The following ACACA variants were observed in gnomAD, a reference collection of about 807,000 sequenced individuals.
ACACA encodes acetyl-CoA carboxylase alpha, also known as acetyl-CoA carboxylase 1.
Under a neutral mutation model 296.1 loss-of-function variants are expected in ACACA, and 103 were observed. That is an observed-to-expected ratio of 0.35 (90% CI 0.30 to 0.41). The LOEUF (loss-of-function observed/expected upper bound fraction) is 0.41, where lower values mean the gene tolerates loss of function less well. ACACA is among the 10% of genes least tolerant of loss of function. The pLI is 1.00. For synonymous variants in ACACA, 953 were observed against 1,038.6 expected (o/e 0.92, Z 1.58); for missense variants, 1,554 against 2,989.7 (o/e 0.52, Z 11.20).
chr17:37,238,363 G>A (rs1598280325), intron 24 of ACACA, among the ~76,000 whole-genome samples: 1 of 141,550 alleles, frequency 7.1e-6, no homozygotes, highest in African/African-American at 2.6e-5. Context: ...CTTTCCCCAT[G>A]ATCTACAATG....
chr17:37,258,231 G>C lies in ACACA; in HGVS notation c.1643C>G (p.Thr548Ser). The C allele has an allele frequency of 6.2e-7, 1 of 1,614,102 alleles. No homozygotes were observed. The highest frequency in any genetic ancestry group is 2.2e-5 in the East Asian group (1 of 44,874). Residue 548 changes from threonine to serine, a missense_variant, in exon 13 of 56, where the codon ACT (threonine) becomes AGT (serine). Around this residue, in one of 16 missense-constraint regions of ACACA, gnomAD observed 35 missense variants for 139.4 expected, o/e 0.25. Transcript: ENST00000616317. ...PRGHVIAARITSENPDEGFKP... is the reference protein window; with the variant it reads ...PRGHVIAARISSENPDEGFKP... ...GGTTACCTCATCTGGATTTTCACTA[G>C]TGATCCGAGCAGCAATAACATGGCC...
intron 3 of ACACA, among the ~76,000 whole-genome samples, chr17:37,321,801 G>A (rs1005144130): frequency 8.7e-5 from 13 of 150,136 alleles, no homozygotes; most frequent in Admixed American, 3.3e-4. Context: ...AAAATTAGCC[G>A]GGCATGGTGG....
chr17:37,235,758 CCAAGGTATAGAT>C (rs2080081031), intron 24 of ACACA, among the ~76,000 whole-genome samples: 1 of 152,116 alleles, frequency 6.6e-6, no homozygotes, highest in African/African-American at 2.4e-5. Flanking sequence ...CAAATCCAAC[CCAAGGTATAGAT>C]CAAGGAGAAC....
Position 37,246,908 on chromosome 17 carries a change from G to A in ACACA, c.2378C>T (p.Ser793Leu). ...CTGGATTAACTTCCCAGCAGAAGGT[G>A]AGCGCATCACCGATGGGTCATTTTC... ...EKENDPSVMRSPSAGKLIQYI... is the reference protein window; with the variant it reads ...EKENDPSVMRLPSAGKLIQYI... The change falls in exon 19 of 56, where the codon TCA becomes TTA. Residue 793 changes from serine (S) to leucine (L), a missense_variant. This residue lies in a region of ACACA where 316 missense variants were observed against 540.9 expected (regional missense o/e 0.58). Transcript: ENST00000616317. 6.2e-7 allele frequency: 1 copy of A among 1,614,088 alleles called. No homozygotes were observed. Among genetic ancestry groups the A allele is most frequent in the Non-Finnish European group, 8.5e-7 (1 of 1,180,012 alleles).
At chr17:37,323,046 C>T (rs1567994460) in intron 3 of ACACA, among the ~76,000 whole-genome samples, 1 of 152,272 alleles carries the variant, frequency 6.6e-6, no homozygotes, top group African/African-American at 2.4e-5. Context: ...CTGGTTAACA[C>T]AAGCTGTCTG....
rs1207828963 is a variant in ACACA at position 37,085,218 on chromosome 17, A to G, written c.*2098T>C. On this transcript the variant is annotated 3_prime_UTR_variant, in exon 56 of 56. Coordinates refer to ENST00000616317, the MANE Select transcript of ACACA (RefSeq NM_198834.3). ...CTTGCATGTTTGAGGGGCTGTGGGA[A>G]TGTCAGATTGCTCATGTTCTGTGCC... 6.0e-6 allele frequency: 1 copy of G among 168,044 alleles called. No homozygotes were observed. The highest frequency in any genetic ancestry group is 6.4e-5 in the Admixed American group (1 of 15,742). The allele number at this position is 168,044 out of a possible 1,614,324, so 10.4% of individuals were successfully genotyped here.
intron 1 of ACACA, among the ~76,000 whole-genome samples, chr17:37,374,824 T>C (rs1215634750): frequency 6.6e-6 from 1 of 151,966 alleles, no homozygotes; most frequent in Non-Finnish European, 1.5e-5. Flanking sequence ...TATTCAGGAG[T>C]GTGAAGATGT....
chr17:37,201,994 C>G (rs1598158046), intron 33 of ACACA, among the ~76,000 whole-genome samples: 1 of 151,746 alleles, frequency 6.6e-6, no homozygotes, highest in Admixed American at 6.6e-5. Flanking sequence ...ATTATCAGGC[C>G]AAATATAAAT....
At chr17:37,197,233 T>C (rs1256929812) in intron 35 of ACACA, among the ~76,000 whole-genome samples, 2 of 152,208 alleles carry the variant, frequency 1.3e-5, no homozygotes, top group Non-Finnish European at 2.9e-5. Flanking sequence ...TACCTAACAA[T>C]ATACACAGCT....
At position 37,210,472 on chromosome 17, in the gene ACACA, T is replaced by C; in HGVS notation, c.3702A>G (p.Leu1234=). 1.2e-6 allele frequency: 2 copies of C among 1,612,774 alleles called. No individual in the cohort carries two copies. The highest frequency in any genetic ancestry group is 1.7e-6 in the Non-Finnish European group (2 of 1,178,912). Residue 1234 remains leucine, a synonymous_variant, in exon 30 of 56, where the codon CTA becomes CTG. Transcript: ENST00000616317. ...SHPNRGNIPT[L]NRMSFSSNLN... ...AGAAACTAAACATACGGTACCTGTT[T>C]AGCGTAGGGATGTTCCCTCTGTAAT...
chr17:37,266,467 TAAA>T (rs375178618), intron 10 of ACACA, among the ~76,000 whole-genome samples: 1 of 139,198 alleles, frequency 7.2e-6, no homozygotes. Context: ...CTGAAAGCAT[TAAA>T]AAAAAAAAAA....
At chr17:37,386,123 C>T (rs1330412673) in intron 1 of ACACA, 25 of 1,542,978 alleles carry the variant, frequency 1.6e-5, no homozygotes, top group African/African-American at 2.7e-5. Flanking sequence ...ACTACAAGTA[C>T]CGGTAATTTT....
At chr17:37,261,857 GT>G (rs1189062873) in intron 11 of ACACA, among the ~76,000 whole-genome samples, 1 of 152,106 alleles carries the variant, frequency 6.6e-6, no homozygotes, top group Non-Finnish European at 1.5e-5. Context: ...GAGTTATCCT[GT>G]TCCTATTCCA....
At chr17:37,212,722 C>T (rs2078804154) in intron 29 of ACACA, among the ~76,000 whole-genome samples, 1 of 151,240 alleles carries the variant, frequency 6.6e-6, no homozygotes, top group South Asian at 2.1e-4. Context: ...AACTCCTGAG[C>T]TCAAGTGATC....
At chr17:37,196,785 C>G (rs1333591226) in intron 35 of ACACA, among the ~76,000 whole-genome samples, 2 of 152,128 alleles carry the variant, frequency 1.3e-5, no homozygotes, top group Non-Finnish European at 2.9e-5. Context: ...TGCAGAAATT[C>G]AAGAAGCCTC....
At chr17:37,348,693 A>C (rs2048741148) in intron 1 of ACACA, among the ~76,000 whole-genome samples, 1 of 152,108 alleles carries the variant, frequency 6.6e-6, no homozygotes, top group Non-Finnish European at 1.5e-5. Context: ...CACCAATGCT[A>C]TACGGGCGCG....
At chr17:37,153,404 C>T (rs2144201559) in intron 43 of ACACA, among the ~76,000 whole-genome samples, 1 of 152,244 alleles carries the variant, frequency 6.6e-6, no homozygotes, top group Admixed American at 6.5e-5. Flanking sequence ...ATCTGTGACC[C>T]TATGTGAACT....
intron 1 of ACACA, among the ~76,000 whole-genome samples, chr17:37,373,248 C>T (rs1323043222): frequency 6.6e-6 from 1 of 151,854 alleles, no homozygotes; most frequent in Non-Finnish European, 1.5e-5. Context: ...CTCCAATATG[C>T]AGGCTGACTT....
intron 1 of ACACA, among the ~76,000 whole-genome samples, chr17:37,381,626 C>CTT (rs550853752): frequency 8.4e-4 from 106 of 125,854 alleles, no homozygotes; most frequent in Admixed American, 1.1e-3. Flanking sequence ...CTTCCATAGT[C>CTT]TTTTTTTTTT....
Sources: allele counts gnomAD v4.1 joint callset (sites outside exome capture counted in the v4.1 genomes callset), GRCh38; gene constraint gnomAD v4.1.1; regional missense constraint gnomAD v4.1.1; transcripts MANE v1.5; gene names NCBI Gene and HGNC (gene_info 2026-07-23, HGNC 2026-07-21).